Variants in CPEB3 observed in about 807,000 individuals in gnomAD.
The protein encoded by CPEB3 is cytoplasmic polyadenylation element-binding protein 3.
A neutral mutation model predicts 67.2 loss-of-function variants in CPEB3; 20 were observed. The ratio of observed to expected loss-of-function variants is 0.30; its 90% CI spans 0.21 to 0.43. The LOEUF is 0.43. CPEB3 is among the 20% of genes least tolerant of loss of function. The probability of loss-of-function intolerance (pLI) is 1.00; values close to 1 mark genes in which losing one functional copy is unlikely to be tolerated. For missense variants in CPEB3, 746 were observed against 968.6 expected, an observed-to-expected ratio of 0.77 and a Z score of 3.05; for synonymous variants, 376 against 393.1, an observed-to-expected ratio of 0.96 and a Z score of 0.51.
intron 7 of CPEB3, among the ~76,000 whole-genome samples, chr10:92,108,059 GGGAACA>G (rs1270385504): frequency 6.6e-6 from 1 of 152,132 alleles, no homozygotes; most frequent in Non-Finnish European, 1.5e-5. Flanking sequence ...CTGTTCCAAA[GGGAACA>G]GGAGTTTGAG....
intron 2 of CPEB3, among the ~76,000 whole-genome samples, chr10:92,228,639 T>C (rs1463793444): frequency 6.6e-6 from 1 of 152,082 alleles, no homozygotes; most frequent in African/African-American, 2.4e-5. Flanking sequence ...CTTTCTAATC[T>C]CACATGCCTG....
chr10:92,067,039 G>A (rs1279410663), intron 9 of CPEB3, among the ~76,000 whole-genome samples: 3 of 150,802 alleles, frequency 2.0e-5, no homozygotes, highest in Non-Finnish European at 4.4e-5. Context: ...ACACAGCCGA[G>A]ACTCCATCTC....
chr10:92,106,322 A>ACT (rs765870094), intron 7 of CPEB3, among the ~76,000 whole-genome samples: 11 of 151,610 alleles, frequency 7.3e-5, no homozygotes, highest in Admixed American at 1.3e-4. Flanking sequence ...GGTTCACAGT[A>ACT]ACCAGTACTG....
intron 1 of CPEB3, among the ~76,000 whole-genome samples, chr10:92,283,566 G>T (rs184013883): frequency 2.0e-5 from 3 of 152,174 alleles, no homozygotes; most frequent in African/African-American, 7.2e-5. Context: ...ATCACTTAGA[G>T]AACTTGTTAA....
intron 4 of CPEB3, among the ~76,000 whole-genome samples, chr10:92,173,132 T>G (rs936823540): frequency 6.6e-6 from 1 of 152,176 alleles, no homozygotes; most frequent in Non-Finnish European, 1.5e-5. Flanking sequence ...TCTGCCCTCT[T>G]GAAACATACA....
At chr10:92,148,773 G>A (rs902435193) in intron 4 of CPEB3, among the ~76,000 whole-genome samples, 2 of 152,184 alleles carry the variant, frequency 1.3e-5, no homozygotes, top group Non-Finnish European at 2.9e-5. Flanking sequence ...GAATGGCAGA[G>A]ATGTAACCAT....
At chr10:92,100,812 C>T (rs916352867) in intron 7 of CPEB3, among the ~76,000 whole-genome samples, 30 of 152,032 alleles carry the variant, frequency 2.0e-4, no homozygotes, top group Admixed American at 2.6e-4. Flanking sequence ...AGGATGGTCT[C>T]GATCTCCTAA....
chr10:92,288,683 G>A (rs1842652571), intron 1 of CPEB3, among the ~76,000 whole-genome samples: 1 of 152,132 alleles, frequency 6.6e-6, no homozygotes, highest in Non-Finnish European at 1.5e-5. Context: ...CCATTTGTTG[G>A]TATAATAAGG....
chr10:92,228,325 A>C (rs1166351401), intron 2 of CPEB3, among the ~76,000 whole-genome samples: 1 of 152,176 alleles, frequency 6.6e-6, no homozygotes, highest in Non-Finnish European at 1.5e-5. Flanking sequence ...CATAAACTTT[A>C]CTGGTTTTCA....
chr10:92,091,966 G>C, intron 7 of CPEB3, 22 bp from the exon 8 acceptor site: 1 of 1,401,402 alleles, frequency 7.1e-7, no homozygotes, highest in Non-Finnish European at 1.0e-6. Flanking sequence ...TTGTTTACTT[G>C]GTCCTTACTT....
At chr10:92,052,811 C>T (rs919653938) in intron 9 of CPEB3, among the ~76,000 whole-genome samples, 2 of 152,166 alleles carry the variant, frequency 1.3e-5, no homozygotes, top group African/African-American at 2.4e-5. Context: ...CACGTCAAAG[C>T]GCATGAGCTG....
intron 2 of CPEB3, among the ~76,000 whole-genome samples, chr10:92,200,545 CA>C (rs57165866): frequency 0.33 from 18,438 of 55,184 alleles, 448 homozygotes; most frequent in Non-Finnish European, 0.37. Flanking sequence ...AACTCCGTCT[CA>C]AAAAAAAAAA....
At chr10:92,264,315 G>A (rs1852943595) in intron 1 of CPEB3, among the ~76,000 whole-genome samples, 1 of 148,636 alleles carries the variant, frequency 6.7e-6, no homozygotes, top group Non-Finnish European at 1.5e-5. Context: ...GGGACAGAGT[G>A]AGACTCCATC....
chr10:92,086,180 A>G (rs747104092), intron 8 of CPEB3, among the ~76,000 whole-genome samples: 13 of 152,200 alleles, frequency 8.5e-5, no homozygotes, highest in Non-Finnish European at 1.8e-4. Flanking sequence ...TCTCTTTGGA[A>G]ATAAGGACAA....
intron 1 of CPEB3, among the ~76,000 whole-genome samples, chr10:92,250,108 G>A (rs112871630): frequency 6.6e-6 from 1 of 151,060 alleles, no homozygotes; most frequent in South Asian, 2.1e-4. Context: ...TTTCTTTTGA[G>A]ACAGAGTCTT....
intron 1 of CPEB3, among the ~76,000 whole-genome samples, chr10:92,275,560 T>G (rs774550342): frequency 7.9e-5 from 12 of 152,160 alleles, no homozygotes; most frequent in Non-Finnish European, 1.3e-4. Context: ...TTCACTCACT[T>G]AAAGTGTACA....
At chr10:92,145,838 G>A (rs781460376) in intron 4 of CPEB3, among the ~76,000 whole-genome samples, 2 of 152,048 alleles carry the variant, frequency 1.3e-5, no homozygotes, top group Non-Finnish European at 2.9e-5. Flanking sequence ...AATCTCAGAG[G>A]TTTAGTTCTA....
chr10:92,147,598 G>T (rs1846747645), intron 4 of CPEB3, among the ~76,000 whole-genome samples: 1 of 152,198 alleles, frequency 6.6e-6, no homozygotes, highest in South Asian at 2.1e-4. Flanking sequence ...CTTGCCAAAG[G>T]AATCACAGTC....
intron 1 of CPEB3, among the ~76,000 whole-genome samples, chr10:92,269,527 T>G (rs772627930): frequency 6.6e-6 from 1 of 152,128 alleles, no homozygotes; most frequent in South Asian, 2.1e-4. Context: ...TCATTTCAAC[T>G]GTGCATCTTG....
Sources: allele counts gnomAD v4.1 joint callset (sites outside exome capture counted in the v4.1 genomes callset), GRCh38; gene constraint gnomAD v4.1.1; transcripts MANE v1.5; gene names NCBI Gene and HGNC (gene_info 2026-07-23, HGNC 2026-07-21).